Variants in ADAMTS2 observed in about 807,000 individuals in gnomAD.
ADAMTS2 encodes the protein ADAM metallopeptidase with thrombospondin type 1 motif 2.
A neutral mutation model predicts 123.0 loss-of-function variants in ADAMTS2; 50 were observed. The ratio of observed to expected loss-of-function variants is 0.41; its 90% CI spans 0.32 to 0.51. ADAMTS2 has a LOEUF of 0.51. Ranked by LOEUF, ADAMTS2 falls within the 20% of genes least tolerant of loss-of-function variation. The pLI is 0.35. For missense variants in ADAMTS2, 1,494 were observed against 1,705.2 expected, an observed-to-expected ratio of 0.88 and a Z score of 2.18; for synonymous variants, 678 against 695.4, an observed-to-expected ratio of 0.98 and a Z score of 0.39.
At chr5:179,316,178 G>A (rs1212055201) in intron 2 of ADAMTS2, among the ~76,000 whole-genome samples, 2 of 152,212 alleles carry the variant, frequency 1.3e-5, no homozygotes, top group Non-Finnish European at 2.9e-5. Flanking sequence ...TGGGCACCGG[G>A]CAGCAGACGG....
At chr5:179,207,471 A>ACCCCG in intron 4 of ADAMTS2, 42 bp downstream of exon 4, 2 of 1,026,474 alleles carry the variant, frequency 1.9e-6, no homozygotes, top group Non-Finnish European at 3.0e-6. Context: ...CCCCTGGTTG[A>ACCCCG]CCCTCCCCGC....
At chr5:179,212,051 T>C (rs932602043) in intron 3 of ADAMTS2, among the ~76,000 whole-genome samples, 12 of 152,154 alleles carry the variant, frequency 7.9e-5, no homozygotes, top group Non-Finnish European at 1.3e-4. Context: ...CCGGAGCCCT[T>C]CTGTACTTCA....
chr5:179,264,966 A>C (rs1427545864), intron 3 of ADAMTS2, among the ~76,000 whole-genome samples: 1 of 134,124 alleles, frequency 7.5e-6, no homozygotes. Flanking sequence ...TGACCCCTGC[A>C]CCAACAGCAG....
At chr5:179,288,687 A>G (rs1428781008) in intron 2 of ADAMTS2, among the ~76,000 whole-genome samples, 1 of 152,218 alleles carries the variant, frequency 6.6e-6, no homozygotes, top group Non-Finnish European at 1.5e-5. Flanking sequence ...CAGCGAGGCC[A>G]GCAATGACCA....
At chr5:179,165,187 C>T (rs1763673219) in intron 5 of ADAMTS2, among the ~76,000 whole-genome samples, 1 of 152,308 alleles carries the variant, frequency 6.6e-6, no homozygotes, top group South Asian at 2.1e-4. Flanking sequence ...TCCTTTGCTC[C>T]TCTGCCACCT....
intron 5 of ADAMTS2, among the ~76,000 whole-genome samples, chr5:179,173,925 A>G (rs1651355129): frequency 6.6e-6 from 1 of 151,710 alleles, no homozygotes; most frequent in South Asian, 2.1e-4. Context: ...AGGCAGGAGA[A>G]TCACTTGAAC....
At chr5:179,205,778 ATTATTATTT>A (rs1160944817) in intron 4 of ADAMTS2, among the ~76,000 whole-genome samples, 3 of 150,320 alleles carry the variant, frequency 2.0e-5, no homozygotes, top group Admixed American at 6.6e-5. Context: ...TATTATTATT[ATTATTATTT>A]TTGAGACGGA....
At position 179,285,153 on chromosome 5, in the gene ADAMTS2, G is replaced by A. The variant is rs1434923480; in HGVS notation, c.535-12089C>T. ...CATGGCATGACAGCTGTTAGGAAAC[G>A]CGTAACAAAGGGTCAGCAGTGTTAC... On this transcript the variant is annotated intron_variant, in intron 2 of 21. Transcript: ENST00000251582. The surrounding 1 kb of genome is among the most constrained non-coding windows in gnomAD (Gnocchi z 4.9). Among the ~76,000 whole-genome samples, 3 of 152,202 alleles carry A rather than the reference G, an allele frequency of 2.0e-5. No individual in the cohort carries two copies. The highest frequency in any genetic ancestry group is 1.9e-4 in the East Asian group (1 of 5,190).
At chr5:179,116,260 A>ACCCCCCCCCCCCCCCGCC (rs146306326) in intron 21 of ADAMTS2, among the ~76,000 whole-genome samples, 1 of 93,778 alleles carries the variant, frequency 1.1e-5, no homozygotes, top group African/African-American at 4.0e-5. Context: ...TGACCACGGC[A>ACCCCCCCCCCCCCCCGCC]CCCCCCCCCC....
chr5:179,326,174 T>C (rs1357992158), intron 2 of ADAMTS2, among the ~76,000 whole-genome samples: 1 of 151,298 alleles, frequency 6.6e-6, no homozygotes, highest in Non-Finnish European at 1.5e-5. Context: ...TGGGAAGGAT[T>C]TGGTGGAGAA....
Position 179,162,735 on chromosome 5 carries a change from CG to C in ADAMTS2, c.976-3857del, listed in dbSNP as rs1340775532. 6.6e-6 allele frequency among the ~76,000 whole-genome samples: 1 copy of C among 152,246 alleles called. No homozygotes were observed. The highest frequency in any genetic ancestry group is 2.4e-5 in the African/African-American group (1 of 41,462). ...GGACATTAAGAGACTGGGTCACTGG[CG>C]GCCATCACGAAGGCTGCCTGCCACT... On this transcript the variant is annotated intron_variant, in intron 5 of 21. Coordinates refer to ENST00000251582, the MANE Select transcript of ADAMTS2 (RefSeq NM_014244.5). This position sits in a 1 kb window ranked among gnomAD's most constrained non-coding sequence, Gnocchi z 5.1.
In ADAMTS2 at chr5:179,132,973, A is replaced by C; in HGVS notation, c.2086-73T>G. On this transcript the variant is annotated intron_variant, in intron 13 of 21. Coordinates refer to ENST00000251582, the MANE Select transcript of ADAMTS2 (RefSeq NM_014244.5). The surrounding 1 kb of genome is among the most constrained non-coding windows in gnomAD (Gnocchi z 6.1). ...GTCAGGGTCATACTATGTTGCCCCCAGTCTCGAACACCTGGCCTCAAGCGA... is the reference window on the plus strand; with the variant it reads ...GTCAGGGTCATACTATGTTGCCCCCCGTCTCGAACACCTGGCCTCAAGCGA... 1 of 1,564,966 alleles carries C rather than the reference A, an allele frequency of 6.4e-7. No homozygotes were observed. Among genetic ancestry groups the C allele is most frequent in the South Asian group, 1.2e-5 (1 of 86,140 alleles).
At chr5:179,331,110 T>C (rs1757464952) in intron 2 of ADAMTS2, among the ~76,000 whole-genome samples, 1 of 151,204 alleles carries the variant, frequency 6.6e-6, no homozygotes, top group Non-Finnish European at 1.5e-5. Flanking sequence ...GATGGCTCGT[T>C]GTTGGTTCCC....
At chr5:179,325,516 GC>G (rs1471909801) in intron 2 of ADAMTS2, among the ~76,000 whole-genome samples, 3 of 152,362 alleles carry the variant, frequency 2.0e-5, no homozygotes, top group Non-Finnish European at 4.4e-5. Flanking sequence ...ACAGACGCCA[GC>G]CCTGGAGCCA....
intron 3 of ADAMTS2, among the ~76,000 whole-genome samples, chr5:179,238,146 C>T (rs1373665694): frequency 6.6e-6 from 1 of 152,220 alleles, no homozygotes; most frequent in Non-Finnish European, 1.5e-5. Context: ...CCACTCTGGG[C>T]TCACAGATAT....
At chr5:179,330,876 G>A (rs1233942381) in intron 2 of ADAMTS2, among the ~76,000 whole-genome samples, 2 of 152,214 alleles carry the variant, frequency 1.3e-5, no homozygotes, top group Admixed American at 6.5e-5. Context: ...TTGTTTGCTA[G>A]AAAATGCACC....
At chr5:179,240,591 T>C (rs1765641152) in intron 3 of ADAMTS2, among the ~76,000 whole-genome samples, 1 of 152,162 alleles carries the variant, frequency 6.6e-6, no homozygotes, top group Non-Finnish European at 1.5e-5. Context: ...AGGTTTAAGG[T>C]ATGACCAAGG....
At position 179,256,653 on chromosome 5, in the gene ADAMTS2, G is replaced by A. The variant is rs971783581; in HGVS notation, c.688+16258C>T. 1.3e-5 allele frequency among the ~76,000 whole-genome samples: 2 copies of A among 152,180 alleles called. No individual in the cohort carries two copies. Among genetic ancestry groups the A allele is most frequent in the Admixed American group, 1.3e-4 (2 of 15,282 alleles). ...GGGCCAGCATGAGTGGGGGGGCCAG[G>A]CACGAATCGGCAGGGAGGGAGGGGT... On this transcript the variant is annotated intron_variant, in intron 3 of 21. Transcript: ENST00000251582. The surrounding 1 kb of genome is among the most constrained non-coding windows in gnomAD (Gnocchi z 4.1).
At chr5:179,331,905 T>C (rs1757494420) in intron 2 of ADAMTS2, among the ~76,000 whole-genome samples, 2 of 152,192 alleles carry the variant, frequency 1.3e-5, no homozygotes, top group African/African-American at 2.4e-5. Context: ...AGTGCAATGC[T>C]CATGCCAACT....
Sources: gnomAD v4.1 joint callset for allele counts (sites outside exome capture counted in the v4.1 genomes callset) on GRCh38, gnomAD v4.1.1 for gene constraint, Gnocchi (gnomAD v3.1) non-coding constraint, MANE v1.5 for transcripts, NCBI Gene and HGNC (gene_info 2026-07-23, HGNC 2026-07-21) for gene names.